PHF24: variants seen among roughly 807,000 people sequenced by gnomAD.
PHF24 encodes PHD finger protein 24, also known as Galpha inhibitory interacting protein.
Under a neutral mutation model 42.6 loss-of-function variants are expected in PHF24, and 25 were observed. That is an observed-to-expected ratio of 0.59 (90% CI 0.43 to 0.82). The LOEUF (loss-of-function observed/expected upper bound fraction) is 0.82, where lower values mean the gene tolerates loss of function less well. PHF24 is among the 40% of genes least tolerant of loss of function. The pLI is 0.00. For synonymous variants in PHF24, 185 were observed against 204.8 expected (o/e 0.90, Z 0.83); for missense variants, 470 against 538.1 (o/e 0.87, Z 1.25).
At chr9:34,685,127 T>C in the PHF24 span, among the ~76,000 whole-genome samples, 1 of 152,134 alleles carries the variant, frequency 6.6e-6, no homozygotes, top group Non-Finnish European at 1.5e-5. Context: ...CTCTGCCACC[T>C]GCCGATCAGA....
chr9:34,873,855 T>C, the PHF24 span, among the ~76,000 whole-genome samples: 2 of 152,048 alleles, frequency 1.3e-5, no homozygotes, highest in African/African-American at 4.8e-5. Context: ...TGTTCTTCCA[T>C]TTGTTTGTAT....
the PHF24 span, among the ~76,000 whole-genome samples, chr9:34,806,740 T>G: frequency 6.6e-6 from 1 of 152,258 alleles, no homozygotes; most frequent in Non-Finnish European, 1.5e-5. Context: ...ATTACAGGCA[T>G]GAGCCTCTGT....
chr9:34,883,273 C>T, the PHF24 span, among the ~76,000 whole-genome samples: 8 of 152,152 alleles, frequency 5.3e-5, no homozygotes, highest in South Asian at 6.2e-4. Flanking sequence ...AGAAGAAAAC[C>T]GAGGCAATAC....
the PHF24 span, among the ~76,000 whole-genome samples, chr9:34,744,248 C>A: frequency 6.6e-6 from 1 of 152,152 alleles, no homozygotes; most frequent in South Asian, 2.1e-4. Context: ...CAGTGGGGAA[C>A]AAAGCTCAAT....
chr9:34,835,535 A>T, the PHF24 span: 1 of 1,524,468 alleles, frequency 6.6e-7, no homozygotes, highest in Non-Finnish European at 8.9e-7. Flanking sequence ...GGAGACCTGG[A>T]AATTCAAGTG....
chr9:34,956,930 T>C (rs1409191035), upstream of PHF24, among the ~76,000 whole-genome samples: 1 of 152,256 alleles, frequency 6.6e-6, no homozygotes, highest in Non-Finnish European at 1.5e-5. Flanking sequence ...GAGCTTGCGG[T>C]ATGAAATCAG....
chr9:34,691,104 G>T, the PHF24 span: 1 of 1,612,090 alleles, frequency 6.2e-7, no homozygotes, highest in Middle Eastern at 1.7e-4. Context: ...GGGAAGTCCA[G>T]AGAACCAGCA....
the PHF24 span, among the ~76,000 whole-genome samples, chr9:34,799,977 C>G: frequency 6.6e-6 from 1 of 151,902 alleles, no homozygotes; most frequent in African/African-American, 2.4e-5. Flanking sequence ...ACAACAGAGA[C>G]TTGGAAGGAT....
chr9:34,939,596 C>T, the PHF24 span, among the ~76,000 whole-genome samples: 2 of 152,214 alleles, frequency 1.3e-5, no homozygotes, highest in African/African-American at 2.4e-5. Flanking sequence ...CCATAATATC[C>T]CTGCCATGTG....
chr9:34,729,221 C>G, the PHF24 span: 1 of 1,494,614 alleles, frequency 6.7e-7, no homozygotes, highest in Admixed American at 2.4e-5. Flanking sequence ...TAAGGGAGCA[C>G]GGTAAGAACT....
At chr9:34,879,830 C>G in the PHF24 span, among the ~76,000 whole-genome samples, 2 of 151,762 alleles carry the variant, frequency 1.3e-5, no homozygotes, top group African/African-American at 2.4e-5. Context: ...CCAACATTCA[C>G]ATTCAGGAAA....
chr9:34,732,277 CTT>C, the PHF24 span, among the ~76,000 whole-genome samples: 2 of 152,110 alleles, frequency 1.3e-5, no homozygotes, highest in Admixed American at 1.3e-4. Context: ...TGTTACCTGT[CTT>C]TTGGATAAAA....
the PHF24 span, among the ~76,000 whole-genome samples, chr9:34,860,576 TTCTC>T: frequency 6.6e-6 from 1 of 152,236 alleles, no homozygotes; most frequent in South Asian, 2.1e-4. Context: ...TTCTATTTTT[TTCTC>T]TCTCTTATTT....
At chr9:34,809,819 A>G in the PHF24 span, among the ~76,000 whole-genome samples, 1 of 152,070 alleles carries the variant, frequency 6.6e-6, no homozygotes, top group African/African-American at 2.4e-5. This position sits in a 1 kb window ranked among gnomAD's most constrained non-coding sequence, Gnocchi z 4.1. Context: ...GAGGGCGCCA[A>G]CTGGCACCTG....
the PHF24 span, chr9:34,835,457 G>A: frequency 1.3e-6 from 2 of 1,551,920 alleles, no homozygotes; most frequent in South Asian, 2.4e-5. Flanking sequence ...TGGCAGGTGG[G>A]CAGGGAGGAC....
chr9:34,892,434 G>T, the PHF24 span, among the ~76,000 whole-genome samples: 1 of 152,184 alleles, frequency 6.6e-6, no homozygotes, highest in Non-Finnish European at 1.5e-5. Context: ...ATTAGAAGTG[G>T]TGTGGTATAA....
At chr9:34,712,430 A>G in the PHF24 span, among the ~76,000 whole-genome samples, 1 of 152,078 alleles carries the variant, frequency 6.6e-6, no homozygotes, top group African/African-American at 2.4e-5. Context: ...GTGATGAGGT[A>G]CATTTGATGG....
chr9:34,912,729 A>G, the PHF24 span, among the ~76,000 whole-genome samples: 1 of 152,252 alleles, frequency 6.6e-6, no homozygotes, highest in African/African-American at 2.4e-5. Context: ...CTGCTAAAAT[A>G]ACAACAACCA....
At chr9:34,766,285 T>C in the PHF24 span, among the ~76,000 whole-genome samples, 5 of 152,344 alleles carry the variant, frequency 3.3e-5, no homozygotes, top group South Asian at 4.1e-4. Flanking sequence ...GGATAATATC[T>C]TGCAGAGTGT....
Sources: gnomAD v4.1 joint callset for allele counts (sites outside exome capture counted in the v4.1 genomes callset) on GRCh38, gnomAD v4.1.1 for gene constraint, Gnocchi (gnomAD v3.1) non-coding constraint, MANE v1.5 for transcripts, NCBI Gene and HGNC (gene_info 2026-07-23, HGNC 2026-07-21) for gene names.